Variants in SERPINA11 observed in about 807,000 individuals in gnomAD.
SERPINA11 encodes serpin A11.
A neutral mutation model predicts 29.4 loss-of-function variants in SERPINA11; 28 were observed. That is an observed-to-expected ratio of 0.95 (90% CI 0.70 to 1.30). The LOEUF is 1.30. SERPINA11 is among the 50% of genes most tolerant of loss of function. The pLI is 0.00. For synonymous variants in SERPINA11, 253 were observed against 206.6 expected, an observed-to-expected ratio of 1.22 and a Z score of -1.92; for missense variants, 530 against 507.3, an observed-to-expected ratio of 1.04 and a Z score of -0.43.
chr14:94,443,169 T>A lies in SERPINA11; in HGVS notation c.974A>T (p.Asp325Val). The change falls in exon 4 of 5, where the codon GAC (aspartate) becomes GTC (valine). Residue 325 changes from aspartate (D) to valine (V), a missense_variant. By Grantham distance (152) the Asp-to-Val change is radical. Coordinates refer to ENST00000334708, the MANE Select transcript of SERPINA11 (RefSeq NM_001080451.2). ...GGTGAGACCAATTTGGGGAAGTATG[T>A]CTTCCAGGTTATATGTTCCAGAAAT... ...FSISGTYNLE[D>V]ILPQIGLTNI... 1 of 1,613,992 alleles carries A rather than the reference T, an allele frequency of 6.2e-7. No individual in the cohort carries two copies. Among genetic ancestry groups the A allele is most frequent in the Non-Finnish European group, 8.5e-7 (1 of 1,179,832 alleles).
intron 3 of SERPINA11, among the ~76,000 whole-genome samples, chr14:94,443,573 G>T (rs541936818): frequency 6.6e-6 from 1 of 152,244 alleles, no homozygotes; most frequent in East Asian, 1.9e-4. Flanking sequence ...ACCACATAAG[G>T]TAAATACTGT....
At chr14:94,450,442 G>A (rs942117380) in intron 1 of SERPINA11, among the ~76,000 whole-genome samples, 3 of 152,156 alleles carry the variant, frequency 2.0e-5, no homozygotes, top group Non-Finnish European at 2.9e-5. Context: ...AGATCAGGGT[G>A]ATGCTTCTAC....
chr14:94,448,628 T>C lies in SERPINA11; in HGVS notation c.147A>G (p.Arg49=). The C allele has an allele frequency of 6.2e-7, 1 of 1,609,508 alleles. No homozygotes were observed. Among genetic ancestry groups the C allele is most frequent in the South Asian group, 1.1e-5 (1 of 90,760 alleles). The change falls in exon 2 of 5, where the codon AGA becomes AGG. Residue 49 remains arginine, a synonymous_variant. Transcript: ENST00000334708. ...QLSEPAPAYH[R]ITPTITNFAL... ...CAAAATTGGTAATGGTGGGTGTGATTCTGTGGTAGGCGGGGGCTGGCTCTG... is the reference window on the plus strand; with the variant it reads ...CAAAATTGGTAATGGTGGGTGTGATCCTGTGGTAGGCGGGGGCTGGCTCTG...
intron 1 of SERPINA11, among the ~76,000 whole-genome samples, chr14:94,449,454 TTTCTTTC>T (rs1898533572): frequency 8.6e-6 from 1 of 116,826 alleles, no homozygotes; most frequent in Non-Finnish European, 1.6e-5. Flanking sequence ...TCTTTCTTTC[TTTCTTTC>T]TTTCTTTCTT....
rs1464348288 is a variant in SERPINA11 at position 94,446,319 on chromosome 14, T to C, written c.917+12A>G. ...GCAAGGTCAGCCAGCATCCTTCTGC[T>C]GTGACACTTACCTGGGCAGGAGCAA... On this transcript the variant is annotated intron_variant, in intron 3 of 4. Coordinates refer to ENST00000334708, the MANE Select transcript of SERPINA11 (RefSeq NM_001080451.2). The C allele has an allele frequency of 6.2e-7, 1 of 1,609,470 alleles. No homozygotes were observed.
chr14:94,447,781 C>T (rs1370560152), intron 2 of SERPINA11, among the ~76,000 whole-genome samples: 1 of 152,108 alleles, frequency 6.6e-6, no homozygotes, highest in Non-Finnish European at 1.5e-5. Context: ...CAACCTGAAC[C>T]CTCTTTGCCC....
rs771747434 is a variant in SERPINA11 at position 94,443,081 on chromosome 14, G to A, written c.1062C>T (p.Ser354=). ...GVTGQLNKTI[S]KVSHKAMVDM... is the part of the protein sequence containing the mutation. ...ACATCCATGTTCACCACTTTACCTT[G>A]GAGATGGTTTTGTTGAGCTGCCCAG... Residue 354 remains serine, a synonymous_variant, in exon 4 of 5, where the codon TCC becomes TCT. Coordinates refer to ENST00000334708, the MANE Select transcript of SERPINA11 (RefSeq NM_001080451.2). 2 of 1,610,786 alleles carry A rather than the reference G, an allele frequency of 1.2e-6. No individual in the cohort carries two copies. The highest frequency in any genetic ancestry group is 2.2e-5 in the South Asian group (2 of 90,168).
At chr14:94,443,411 T>C (rs75682319) in intron 3 of SERPINA11, among the ~76,000 whole-genome samples, 186 bp from the exon 4 acceptor site, 13,314 of 152,250 alleles carry the variant, frequency 0.087, 727 homozygotes, top group Middle Eastern at 0.19. Flanking sequence ...CCCTTCTCTT[T>C]GGACCTCCTG....
rs1157392658 is a variant in SERPINA11 at position 94,448,562 on chromosome 14, T to G, written c.213A>C (p.Gly71=). The G allele has an allele frequency of 1.6e-5, 26 of 1,614,158 alleles. No homozygotes were observed. The highest frequency in any genetic ancestry group is 2.2e-5 in the Non-Finnish European group (26 of 1,180,040). The part of the protein sequence containing the change: ...LYKELAADAP[G]NIFFSPVSIS... ...TGCTCACTGGCGAGAAGAAGATGTTTCCGGGGGCGTCTGCTGCCAGCTCTT... is the reference window on the plus strand; with the variant it reads ...TGCTCACTGGCGAGAAGAAGATGTTGCCGGGGGCGTCTGCTGCCAGCTCTT... Residue 71 remains glycine (G), a synonymous_variant, in exon 2 of 5, where the codon GGA becomes GGC. Transcript: ENST00000334708.
At chr14:94,449,483 G>C (rs5010309) in intron 1 of SERPINA11, among the ~76,000 whole-genome samples, 6 of 60,038 alleles carry the variant, frequency 1.0e-4, no homozygotes, top group African/African-American at 4.0e-4. Flanking sequence ...CTTTCTTTCT[G>C]TCTGTCTGTC....
Position 94,448,280 on chromosome 14 carries a change from A to T in SERPINA11, c.495T>A (p.Ala165=). The T allele has an allele frequency of 6.2e-7, 1 of 1,614,248 alleles. No individual in the cohort carries two copies. Among genetic ancestry groups the T allele is most frequent in the Non-Finnish European group, 8.5e-7 (1 of 1,180,052 alleles). The change falls in exon 2 of 5, where the codon GCT becomes GCA. Residue 165 remains alanine, a synonymous_variant. Transcript: ENST00000334708. The stretch of plus-strand genomic sequence containing the variant: ...CAGAATCTGTGAAGTTGGCAGAAAA[A>T]GCAAAAGCTCCATAAAGCTCCTTGA... ...DSIKELYGAF[A]FSANFTDSVT...
At position 94,447,233 on chromosome 14, in the gene SERPINA11, G is replaced by T. The variant is rs187450787; in HGVS notation, c.644-629C>A. On this transcript the variant is annotated intron_variant, in intron 2 of 4. Transcript: ENST00000334708. ...GATGTAGTTAGAAACGCAGAATTTT[G>T]GGGTCATGGTTACATTCACACATGT... 1.8e-4 allele frequency among the ~76,000 whole-genome samples: 27 copies of T among 152,298 alleles called. 1 individual carries two copies. The highest frequency in any genetic ancestry group is 3.4e-3 in the Middle Eastern group (1 of 294).
rs767415961 is a variant in SERPINA11, at chr14:94,446,487, AG to A, written c.760del (p.Leu254SerfsTer13). 6.2e-7 allele frequency: 1 copy of A among 1,614,204 alleles called. No homozygotes were observed. Among genetic ancestry groups the A allele is most frequent in the Non-Finnish European group, 8.5e-7 (1 of 1,180,028 alleles). ...MMHQKEMHRF[L>X]YDQDLACTVL... ...GGTGCAAGCCAAATCCTGGTCATAG[AG>A]GAATCTGTGCATTTCCTTTTGGTGC... is the stretch of plus-strand genomic sequence containing the variant. On this transcript the variant is annotated frameshift_variant, in exon 3 of 5. Coordinates refer to ENST00000334708, the MANE Select transcript of SERPINA11 (RefSeq NM_001080451.2). LOFTEE classifies it high-confidence loss of function.
Position 94,446,330 on chromosome 14 carries a change from C to T in SERPINA11, c.917+1G>A, listed in dbSNP as rs1898436890. The T allele has an allele frequency of 6.2e-7, 1 of 1,611,670 alleles. No individual in the cohort carries two copies. Among genetic ancestry groups the T allele is most frequent in the South Asian group, 1.1e-5 (1 of 90,798 alleles). ...CAGCATCCTTCTGCTGTGACACTTA[C>T]CTGGGCAGGAGCAATTGGCCCCATT... is the stretch of plus-strand genomic sequence containing the variant. On this transcript the variant is annotated splice_donor_variant, in intron 3 of 4. Coordinates refer to ENST00000334708, the MANE Select transcript of SERPINA11 (RefSeq NM_001080451.2). LOFTEE classifies it high-confidence loss of function.
chr14:94,447,553 G>T (rs77278723), intron 2 of SERPINA11, among the ~76,000 whole-genome samples: 6,314 of 152,236 alleles, frequency 0.041, 199 homozygotes, highest in Non-Finnish European at 0.058. Flanking sequence ...ATGTAATCCT[G>T]TCACTTCACA....
In SERPINA11 at chr14:94,448,113, C is replaced by T; in HGVS notation, c.643+19G>A. 1 of 1,605,542 alleles carries T rather than the reference C, an allele frequency of 6.2e-7. No individual in the cohort carries two copies. Among genetic ancestry groups the T allele is most frequent in the Non-Finnish European group, 8.5e-7 (1 of 1,174,668 alleles). Reference sequence around the variant, plus strand: ...ACTTGCAGAGGCAGTGGCAATAATTCTGTCAGAGCAAGCCTCACCTTTGAA... The same window carrying T: ...ACTTGCAGAGGCAGTGGCAATAATTTTGTCAGAGCAAGCCTCACCTTTGAA... On this transcript the variant is annotated intron_variant, in intron 2 of 4. Coordinates refer to ENST00000334708, the MANE Select transcript of SERPINA11 (RefSeq NM_001080451.2).
At position 94,448,678 on chromosome 14, in the gene SERPINA11, G is replaced by A; in HGVS notation, c.97C>T (p.Pro33Ser). The A allele has an allele frequency of 1.3e-6, 2 of 1,561,978 alleles. No homozygotes were observed. The highest frequency in any genetic ancestry group is 1.7e-6 in the Non-Finnish European group (2 of 1,154,998). The change falls in exon 2 of 5, where the codon CCT (proline) becomes TCT (serine). Residue 33 changes from proline (P) to serine (S), a missense_variant. Pro to Ser is a moderately conservative substitution (Grantham distance 74, BLOSUM62 -1). Transcript: ENST00000334708. ...GAGAGCTGATGCCTGGGGGGTTGAG[G>A]CCCCTGCAGACTTTTATCTCCATGG... is the stretch of plus-strand genomic sequence containing the variant. Reference protein sequence around the residue: ...LAHGDKSLQGPQPPRHQLSEP... With the variant: ...LAHGDKSLQGSQPPRHQLSEP...
At chr14:94,445,741 T>G (rs1245678821) in intron 3 of SERPINA11, among the ~76,000 whole-genome samples, 1 of 73,576 alleles carries the variant, frequency 1.4e-5, no homozygotes, top group African/African-American at 3.2e-5. Flanking sequence ...GCTATATATG[T>G]TTTTTTTTCA....
In SERPINA11 at chr14:94,442,564, G is replaced by C; in HGVS notation, c.*42C>G. ...CAGGCTGGTTCTGGCCTATCTGTTTGGTCCAGGATGAGATAAGATAACTCC... is the reference window on the plus strand; with the variant it reads ...CAGGCTGGTTCTGGCCTATCTGTTTCGTCCAGGATGAGATAAGATAACTCC... On this transcript the variant is annotated 3_prime_UTR_variant, in exon 5 of 5. Coordinates refer to ENST00000334708, the MANE Select transcript of SERPINA11 (RefSeq NM_001080451.2). The C allele has an allele frequency of 2.1e-6, 3 of 1,452,536 alleles. No individual in the cohort carries two copies. Among genetic ancestry groups the C allele is most frequent in the Non-Finnish European group, 2.8e-6 (3 of 1,055,384 alleles). The allele number at this position is 1,452,536 out of a possible 1,614,324, so 90.0% of individuals were successfully genotyped here.
Sources: gnomAD v4.1 joint callset for allele counts (sites outside exome capture counted in the v4.1 genomes callset) on GRCh38, gnomAD v4.1.1 for gene constraint, MANE v1.5 for transcripts, NCBI Gene and HGNC (gene_info 2026-07-23, HGNC 2026-07-21) for gene names.